Variants in EPB41L4A observed in about 807,000 individuals in gnomAD.
EPB41L4A encodes erythrocyte membrane protein band 4.1 like 4A, also known as band 4.1-like protein 4A.
A neutral mutation model predicts 108.6 loss-of-function variants in EPB41L4A; 100 were observed. That is an observed-to-expected ratio of 0.92 (90% CI 0.78 to 1.09). EPB41L4A has a LOEUF of 1.09. Ranked by LOEUF, EPB41L4A falls within the 50% of genes least tolerant of loss-of-function variation. The pLI is 0.00. For synonymous variants in EPB41L4A, 319 were observed against 289.0 expected (o/e 1.10, Z -1.05); for missense variants, 1,030 against 842.7 (o/e 1.22, Z -2.75).
chr5:112,257,031 C>G (rs1751146733), intron 9 of EPB41L4A: 1 of 152,076 alleles, frequency 6.6e-6, no homozygotes, highest in South Asian at 2.1e-4. Context: ...CTGACCAGAC[C>G]AGCAAACCAG....
rs1234217229 is a variant in EPB41L4A at position 112,217,786 on chromosome 5, G to A, written c.1088-7804C>T. ...TTACTAGATATACATAGACTTTTTA[G>A]ACACCAATTTTGCTACTGCAAGATC... On this transcript the variant is annotated intron_variant, in intron 12 of 22. Transcript: ENST00000261486. Among the ~76,000 whole-genome samples the A allele has an allele frequency of 2.0e-5, 3 of 152,148 alleles. No individual in the cohort carries two copies. In the East Asian group the frequency reaches 5.8e-4, roughly 29 times the overall value.
intron 1 of EPB41L4A, among the ~76,000 whole-genome samples, chr5:112,389,512 C>T (rs1186838448): frequency 1.3e-5 from 2 of 152,208 alleles, no homozygotes; most frequent in Non-Finnish European, 1.5e-5. Flanking sequence ...GGCATAATAA[C>T]GAAGTTCCTC....
intron 18 of EPB41L4A, among the ~76,000 whole-genome samples, chr5:112,176,791 G>A (rs557866657): frequency 3.9e-4 from 41 of 104,218 alleles, no homozygotes; most frequent in Non-Finnish European, 6.7e-4. Context: ...TTTCACTCCT[G>A]TTGCCCAGGC....
chr5:112,254,880 T>C (rs1451808325), intron 9 of EPB41L4A, among the ~76,000 whole-genome samples: 1 of 151,864 alleles, frequency 6.6e-6, no homozygotes, highest in Non-Finnish European at 1.5e-5. Context: ...ACCCCCTCAC[T>C]CCTCAGTCTG....
At chr5:112,206,132 G>A (rs770507322) in intron 13 of EPB41L4A, 3 of 152,298 alleles carry the variant, frequency 2.0e-5, no homozygotes, top group Admixed American at 1.3e-4. Flanking sequence ...CCCCTGGGGA[G>A]ACATGGAGGA....
intron 12 of EPB41L4A, 26 bp from the exon 13 acceptor site, chr5:112,210,008 G>A: frequency 7.7e-7 from 1 of 1,302,108 alleles, no homozygotes; most frequent in Non-Finnish European, 1.1e-6. Flanking sequence ...AAGGAAAGAT[G>A]GAAGAGAGAG....
chr5:112,367,359 A>T (rs1759185225), intron 1 of EPB41L4A, among the ~76,000 whole-genome samples: 1 of 152,200 alleles, frequency 6.6e-6, no homozygotes, highest in Admixed American at 6.5e-5. Flanking sequence ...GAGCCGATGC[A>T]ACCTCTTGTC....
rs118144989 is a variant in EPB41L4A at position 112,404,720 on chromosome 5, A to C, written c.99+14221T>G. 2.0e-5 allele frequency among the ~76,000 whole-genome samples: 3 copies of C among 152,340 alleles called. No individual in the cohort carries two copies. The East Asian group carries it at 5.8e-4, about 29-fold the overall frequency. The stretch of plus-strand genomic sequence containing the variant: ...TGATTATTTCTCAAAGCATAACTCT[A>C]GATTTAAGTTCCGGATGGTTAGAAG... On this transcript the variant is annotated intron_variant, in intron 1 of 22. Transcript: ENST00000261486.
At chr5:112,151,069 T>C (rs1236462930) in intron 12 of EPB41L4A, among the ~76,000 whole-genome samples, 1 of 152,188 alleles carries the variant, frequency 6.6e-6, no homozygotes, top group Non-Finnish European at 1.5e-5. Context: ...CTCTAAGTGA[T>C]GTTGATGCTG....
intron 2 of EPB41L4A, among the ~76,000 whole-genome samples, chr5:112,288,719 GA>G (rs1753446632): frequency 6.6e-6 from 1 of 152,144 alleles, no homozygotes; most frequent in African/African-American, 2.4e-5. Flanking sequence ...GGGTAGGCAG[GA>G]AACATATCTT....
chr5:112,405,699 T>A (rs755773000), intron 1 of EPB41L4A, among the ~76,000 whole-genome samples: 10 of 152,230 alleles, frequency 6.6e-5, no homozygotes, highest in Non-Finnish European at 1.5e-4. Flanking sequence ...ATTCACTTTT[T>A]CTAAAATACC....
intron 1 of EPB41L4A, among the ~76,000 whole-genome samples, chr5:112,371,306 G>GCT (rs1157779043): frequency 6.6e-6 from 1 of 152,160 alleles, no homozygotes; most frequent in East Asian, 1.9e-4. Context: ...TAGCAAAGGA[G>GCT]CTATTAGAAA....
At chr5:112,223,238 C>T (rs532640146) in intron 12 of EPB41L4A, among the ~76,000 whole-genome samples, 2 of 152,270 alleles carry the variant, frequency 1.3e-5, no homozygotes, top group Admixed American at 6.5e-5. Context: ...CCGTGCCCGA[C>T]CGAAAGTAGT....
intron 1 of EPB41L4A, among the ~76,000 whole-genome samples, chr5:112,385,314 A>AT (rs1760440105): frequency 6.6e-6 from 1 of 152,204 alleles, no homozygotes; most frequent in Non-Finnish European, 1.5e-5. Flanking sequence ...AAAAAGTCCA[A>AT]TAAAAGGCAT....
intron 7 of EPB41L4A, among the ~76,000 whole-genome samples, chr5:112,261,005 C>A (rs888750295): frequency 6.6e-6 from 1 of 152,240 alleles, no homozygotes; most frequent in East Asian, 1.9e-4. Flanking sequence ...AATGTAGAAG[C>A]ATTTTGCAGA....
chr5:112,279,484 T>C (rs1752828265), intron 3 of EPB41L4A, among the ~76,000 whole-genome samples: 1 of 152,154 alleles, frequency 6.6e-6, no homozygotes, highest in African/African-American at 2.4e-5. Flanking sequence ...TTTAGGGAGA[T>C]TAAAATGTTT....
Position 112,169,871 on chromosome 5 carries a change from ACTG to A in EPB41L4A, c.1739+427_1739+429del, listed in dbSNP as rs143027807. Reference sequence around the variant, plus strand: ...AGTCAACAGGTACGGTTCCTCTTACACTGGTGACTAAGGACTCCTGCTGTGCTT... The same window carrying A: ...AGTCAACAGGTACGGTTCCTCTTACAGTGACTAAGGACTCCTGCTGTGCTT... On this transcript the variant is annotated intron_variant, in intron 20 of 22. Coordinates refer to ENST00000261486, the MANE Select transcript of EPB41L4A (RefSeq NM_022140.5). 1.6e-3 allele frequency: 280 copies of A among 180,596 alleles called. 1 individual carries two copies. The highest frequency in any genetic ancestry group is 6.2e-3 in the African/African-American group (257 of 41,766). The allele number at this position is 180,596 out of a possible 1,614,324, so 11.2% of individuals were successfully genotyped here.
At chr5:112,230,376 T>A (rs1371471299) in intron 12 of EPB41L4A, among the ~76,000 whole-genome samples, 6 of 151,284 alleles carry the variant, frequency 4.0e-5, no homozygotes, top group Admixed American at 4.0e-4. Context: ...TTTCACCATA[T>A]CCACACCAAC....
intron 13 of EPB41L4A, among the ~76,000 whole-genome samples, chr5:112,208,684 T>C (rs969342374): frequency 1.3e-5 from 2 of 152,146 alleles, no homozygotes; most frequent in African/African-American, 2.4e-5. Context: ...AATTTACCCA[T>C]GTGACAAACC....
Sources: allele counts gnomAD v4.1 joint callset (sites outside exome capture counted in the v4.1 genomes callset), GRCh38; gene constraint gnomAD v4.1.1; transcripts MANE v1.5; gene names NCBI Gene and HGNC (gene_info 2026-07-23, HGNC 2026-07-21).